Variants in MASP2 observed in about 807,000 individuals in gnomAD.
MASP2 encodes mannan-binding lectin serine protease 2.
MASP2 carries 49 observed loss-of-function variants against 57.1 expected under a neutral mutation model. That is an observed-to-expected ratio of 0.86 (90% CI 0.68 to 1.09). The LOEUF is 1.09. Among genes scored for constraint, MASP2 ranks in the 50% least tolerant of loss-of-function variants. The pLI is 0.00. For synonymous variants in MASP2, 379 were observed against 340.8 expected, an observed-to-expected ratio of 1.11 and a Z score of -1.24; for missense variants, 900 against 874.8, an observed-to-expected ratio of 1.03 and a Z score of -0.36.
At chr1:11,037,071 G>A (rs188183804) in intron 7 of MASP2, among the ~76,000 whole-genome samples, 25 of 151,824 alleles carry the variant, frequency 1.6e-4, no homozygotes, top group African/African-American at 6.0e-4. Flanking sequence ...ATATTTTTTT[G>A]AGACAGAGTC....
intron 6 of MASP2, 100 bp from the exon 7 acceptor site, chr1:11,037,911 C>T (rs888962845): frequency 2.2e-5 from 14 of 631,662 alleles, no homozygotes; most frequent in Middle Eastern, 2.8e-4. Context: ...GAATACTTAA[C>T]ATGTAAAGAG....
chr1:11,039,342 A>ATGGATGGATGG (rs1638343495), intron 6 of MASP2, among the ~76,000 whole-genome samples: 1 of 19,040 alleles, frequency 5.3e-5, no homozygotes, highest in South Asian at 1.6e-3. Flanking sequence ...GGATGGATGG[A>ATGGATGGATGG]TGGATGGATG....
intron 10 of MASP2, among the ~76,000 whole-genome samples, chr1:11,028,146 T>C (rs1643771801): frequency 6.6e-6 from 1 of 151,844 alleles, no homozygotes. Flanking sequence ...TGCTTGAACC[T>C]GGGAGGCGGA....
rs142614617 is a variant in MASP2 at position 11,045,450 on chromosome 1, G to A, written c.502C>T (p.Arg168Cys). The A allele has an allele frequency of 4.6e-5, 75 of 1,613,088 alleles. No homozygotes were observed. The highest frequency in any genetic ancestry group is 6.2e-5 in the Non-Finnish European group (73 of 1,179,978). The change falls in exon 4 of 11, where the codon CGC (arginine) becomes TGC (cysteine). Residue 168 changes from arginine (R) to cysteine (C), a missense_variant. By Grantham distance (180) the Arg-to-Cys change is radical. Coordinates refer to ENST00000400897, the MANE Select transcript of MASP2 (RefSeq NM_006610.4). ...NHLGGFYCSC[R>C]AGYVLHRNKR... ...TTACGGTGCAGGACGTAGCCTGCGC[G>A]GCAGGAGCAGTAGAAACCGCCCAGG...
At position 11,030,764 on chromosome 1, in the gene MASP2, T is replaced by C. The variant is rs1433954096; in HGVS notation, c.1206A>G (p.Thr402=). 1.2e-6 allele frequency: 2 copies of C among 1,607,158 alleles called. No individual in the cohort carries two copies. The highest frequency in any genetic ancestry group is 1.3e-5 in the African/African-American group (1 of 74,774). ...IQYSCEETFY[T]MKVNDGKYVC... ...TTTGCATACCATCATTCACTTTCAT[T>C]GTGTAGAAGGTCTCTTCACAGCTGT... Residue 402 remains threonine, a synonymous_variant, in exon 9 of 11, where the codon ACA becomes ACG. Transcript: ENST00000400897.
In MASP2 at chr1:11,030,350, G is replaced by A. The variant is rs72550896; in HGVS notation, c.1223-100C>T. ...GAAAAATGTTGATTCTTGAGCATCA[G>A]TGGGACATAGAGGTGTCTGAAGAAC... On this transcript the variant is annotated intron_variant, in intron 9 of 10. Transcript: ENST00000400897. The A allele has an allele frequency of 8.0e-5, 65 of 807,558 alleles. 1 individual carries two copies. The highest frequency in any genetic ancestry group is 5.5e-4 in the East Asian group (22 of 40,352). 50.0% of individuals were successfully genotyped at this position (807,558 alleles called of 1,614,324 possible).
At chr1:11,044,329 T>G (rs1324074901) in intron 4 of MASP2, among the ~76,000 whole-genome samples, 1 of 152,018 alleles carries the variant, frequency 6.6e-6, no homozygotes, top group African/African-American at 2.4e-5. Flanking sequence ...GAAGGCTTGG[T>G]CCCCATCCCA....
Position 11,043,031 on chromosome 1 carries a change from G to T in MASP2, c.742-9C>A, listed in dbSNP as rs746870429. ...TCTCTGTCTGTTTGAATCTGAGAAAGAAGCTCATGAAAGCTGGGGAGCAGC... is the reference window on the plus strand; with the variant it reads ...TCTCTGTCTGTTTGAATCTGAGAAATAAGCTCATGAAAGCTGGGGAGCAGC... On this transcript the variant is annotated splice_polypyrimidine_tract_variant and intron_variant, in intron 5 of 10. Transcript: ENST00000400897. 6.2e-7 allele frequency: 1 copy of T among 1,612,938 alleles called. No individual in the cohort carries two copies.
intron 4 of MASP2, among the ~76,000 whole-genome samples, chr1:11,044,016 G>T (rs1310293347): frequency 6.6e-6 from 1 of 152,114 alleles, no homozygotes; most frequent in African/African-American, 2.4e-5. Flanking sequence ...TCGAGCCTAA[G>T]GGCCCCTTCG....
intron 3 of MASP2, 51 bp downstream of exon 3, chr1:11,046,505 C>T: frequency 6.2e-7 from 1 of 1,604,050 alleles, no homozygotes; most frequent in Non-Finnish European, 8.5e-7. Context: ...CAGAGTTACC[C>T]CCACAGCCAG....
Position 11,030,757 on chromosome 1 carries a change from CT to C in MASP2, c.1212del (p.Val405Ter). The C allele has an allele frequency of 1.9e-6, 3 of 1,605,756 alleles. No homozygotes were observed. The South Asian group carries it at 3.4e-5, about 18-fold the overall frequency. ...YSCEETFYTM[K>X]VNDGKYVCEA... ...TGAAGAATTTGCATACCATCATTCA[CT>C]TTCATTGTGTAGAAGGTCTCTTCAC... On this transcript the variant is annotated frameshift_variant, in exon 9 of 11. Coordinates refer to ENST00000400897, the MANE Select transcript of MASP2 (RefSeq NM_006610.4). LOFTEE classifies it high-confidence loss of function.
chr1:11,036,629 CTTTTT>C (rs748876362), intron 7 of MASP2, among the ~76,000 whole-genome samples: 3 of 110,258 alleles, frequency 2.7e-5, no homozygotes, highest in African/African-American at 3.3e-5. Flanking sequence ...AAGTGTCTCT[CTTTTT>C]TTTTTTTTTT....
At position 11,026,993 on chromosome 1, in the gene MASP2, TCCTC is replaced by T. The variant is rs762669587; in HGVS notation, c.1949_1952del (p.Gly650GlufsTer2). On this transcript the variant is annotated frameshift_variant, in exon 11 of 11. Coordinates refer to ENST00000400897, the MANE Select transcript of MASP2 (RefSeq NM_006610.4). LOFTEE classifies it high-confidence loss of function. ...AATTCATGGAACCCCAGGACACTAT[TCCTC>T]CCACAAACCACCTCTCTGTTTCACT... is the stretch of plus-strand genomic sequence containing the variant. The T allele has an allele frequency of 1.9e-6, 3 of 1,595,830 alleles. No homozygotes were observed. In the South Asian group the frequency reaches 3.4e-5, roughly 18 times the overall value.
intron 10 of MASP2, among the ~76,000 whole-genome samples, chr1:11,028,840 A>G (rs1322584915): frequency 6.6e-6 from 1 of 151,070 alleles, no homozygotes; most frequent in African/African-American, 2.4e-5. Context: ...CAGCCTCCTG[A>G]GTAGCTGGGA....
intron 8 of MASP2, among the ~76,000 whole-genome samples, chr1:11,032,950 TA>T (rs1643864558): frequency 6.6e-6 from 1 of 152,112 alleles, no homozygotes; most frequent in South Asian, 2.1e-4. Flanking sequence ...TATACTTGCA[TA>T]TGGTGGTATT....
rs1643736133 is a variant in MASP2, at chr1:11,026,626, A to AT, written c.*258dup. On this transcript the variant is annotated 3_prime_UTR_variant, in exon 11 of 11. Transcript: ENST00000400897. ...TGGCTTTTTAAGGTAATGAAATGTA[A>AT]TTTGAGCAGTGACATTACACTGGGT... The AT allele has an allele frequency of 2.2e-5, 7 of 322,016 alleles. No homozygotes were observed. The highest frequency in any genetic ancestry group is 3.9e-5 in the Non-Finnish European group (7 of 178,072). The allele number at this position is 322,016 out of a possible 1,614,324, so 19.9% of individuals were successfully genotyped here.
At chr1:11,037,492 G>A (rs1273945402) in intron 7 of MASP2, among the ~76,000 whole-genome samples, 1 of 152,088 alleles carries the variant, frequency 6.6e-6, no homozygotes, top group Non-Finnish European at 1.5e-5. Flanking sequence ...AAAAAGGGCG[G>A]GATTCAGAAT....
chr1:11,035,064 G>A (rs1487024838), intron 7 of MASP2, among the ~76,000 whole-genome samples, 158 bp from the exon 8 acceptor site: 1 of 152,130 alleles, frequency 6.6e-6, no homozygotes, highest in Non-Finnish European at 1.5e-5. Flanking sequence ...GCTGGGGTTG[G>A]GGGGATGCCT....
At chr1:11,043,157 C>T in intron 5 of MASP2, 135 bp from the exon 6 acceptor site, 1 of 1,034,342 alleles carries the variant, frequency 9.7e-7, no homozygotes, top group South Asian at 1.5e-5. Flanking sequence ...GGTGCCCCTC[C>T]CCACTCTGCC....
Sources: gnomAD v4.1 joint callset for allele counts (sites outside exome capture counted in the v4.1 genomes callset) on GRCh38, gnomAD v4.1.1 for gene constraint, MANE v1.5 for transcripts, NCBI Gene and HGNC (gene_info 2026-07-23, HGNC 2026-07-21) for gene names.